Variants in KLHL14 observed in about 807,000 individuals in gnomAD.
KLHL14 encodes kelch like family member 14, also known as kelch-like protein 14.
In KLHL14, 22 loss-of-function variants were observed where a neutral mutation model predicts 64.3. The ratio of observed to expected loss-of-function variants is 0.34; its 90% confidence interval spans 0.24 to 0.49. The LOEUF (loss-of-function observed/expected upper bound fraction) is 0.49. Among genes scored for constraint, KLHL14 ranks in the 20% least tolerant of loss-of-function variants. The pLI, the probability that KLHL14 is intolerant of heterozygous loss-of-function variation, is 0.99. For synonymous variants in KLHL14, 322 were observed against 333.4 expected (o/e 0.97, Z 0.37); for missense variants, 661 against 789.0 (o/e 0.84, Z 1.94).
chr18:32,696,077 A>G (rs1377245287), intron 3 of KLHL14, among the ~76,000 whole-genome samples: 4 of 152,188 alleles, frequency 2.6e-5, no homozygotes, highest in African/African-American at 9.7e-5. Flanking sequence ...AAGTTTTTAA[A>G]TTAAGGTCCT....
chr18:32,716,670 C>T lies in KLHL14; in HGVS notation c.1070-21118G>A, dbSNP rs554450921. Among the ~76,000 whole-genome samples, 5 of 152,274 alleles carry T rather than the reference C, an allele frequency of 3.3e-5. No individual in the cohort carries two copies. In the East Asian group the frequency reaches 9.7e-4, roughly 29 times the overall value. On this transcript the variant is annotated intron_variant, in intron 3 of 8. Transcript: ENST00000359358. ...CTGACCTCAGGTGATCCACCCACCT[C>T]GGCCTCCCAAAGTGTTGTGATTACA...
At chr18:32,740,934 G>A (rs1217139514) in intron 3 of KLHL14, 1 of 152,096 alleles carries the variant, frequency 6.6e-6, no homozygotes, top group Non-Finnish European at 1.5e-5. Context: ...TGGGTAAACT[G>A]TTGTCCAGTT....
intron 2 of KLHL14, among the ~76,000 whole-genome samples, chr18:32,761,393 C>CTTTTTTTTTTTTTTTTTTTTT (rs10676001): frequency 1.6e-5 from 2 of 127,088 alleles, no homozygotes; most frequent in African/African-American, 3.1e-5. Flanking sequence ...GCCACACATC[C>CTTTTTTTTTTTTTTTTTTTTT]TTTTTTTTTT....
chr18:32,709,783 T>C (rs1232781332), intron 3 of KLHL14, among the ~76,000 whole-genome samples: 1 of 152,164 alleles, frequency 6.6e-6, no homozygotes, highest in Non-Finnish European at 1.5e-5. Flanking sequence ...GCTTTGCACA[T>C]AGTGGATGCC....
chr18:32,687,054 A>G (rs2049882780), intron 5 of KLHL14, 101 bp downstream of exon 5: 1 of 956,382 alleles, frequency 1.0e-6, no homozygotes, highest in East Asian at 2.4e-5. Flanking sequence ...TATGTCTTTC[A>G]TTGACTCTAT....
intron 3 of KLHL14, among the ~76,000 whole-genome samples, chr18:32,718,782 A>G (rs1179319698): frequency 6.6e-6 from 1 of 152,218 alleles, no homozygotes; most frequent in Non-Finnish European, 1.5e-5. Flanking sequence ...TATAGCTATT[A>G]TGATAAACTC....
At chr18:32,767,522 G>A (rs1156815407) in intron 2 of KLHL14, among the ~76,000 whole-genome samples, 2 of 152,174 alleles carry the variant, frequency 1.3e-5, no homozygotes, top group East Asian at 1.9e-4. Context: ...CATGACACTT[G>A]TAAGCATTCA....
chr18:32,697,358 G>C (rs2049941898), intron 3 of KLHL14, among the ~76,000 whole-genome samples: 1 of 152,146 alleles, frequency 6.6e-6, no homozygotes, highest in African/African-American at 2.4e-5. Context: ...ACAACCTGGT[G>C]CTACTCCAGT....
chr18:32,771,192 G>A (rs551578006), intron 1 of KLHL14: 100 of 176,474 alleles, frequency 5.7e-4, no homozygotes, highest in African/African-American at 2.2e-3. Context: ...CCAGCGTGCG[G>A]GGTGTGCGAA....
At chr18:32,722,415 G>C (rs1401755990) in intron 3 of KLHL14, among the ~76,000 whole-genome samples, 2 of 152,122 alleles carry the variant, frequency 1.3e-5, no homozygotes, top group Non-Finnish European at 2.9e-5. Context: ...TGGGAAAATG[G>C]AGAGGAGCTG....
intron 3 of KLHL14, among the ~76,000 whole-genome samples, chr18:32,729,215 C>T (rs962358152): frequency 1.3e-5 from 2 of 152,120 alleles, no homozygotes; most frequent in African/African-American, 2.4e-5. Flanking sequence ...TATTTGTTTC[C>T]TTGCCTGTAG....
intron 4 of KLHL14, among the ~76,000 whole-genome samples, chr18:32,691,034 C>T (rs1468847916): frequency 2.0e-5 from 3 of 151,990 alleles, no homozygotes; most frequent in Non-Finnish European, 4.4e-5. Context: ...TTTGTGAAAT[C>T]TGCAATCATT....
rs747929926 is a variant in KLHL14 at position 32,770,436 on chromosome 18, G to T, written c.156C>A (p.Ala52=). The T allele has an allele frequency of 6.2e-7, 1 of 1,611,558 alleles. No individual in the cohort carries two copies. Among genetic ancestry groups the T allele is most frequent in the Non-Finnish European group, 8.5e-7 (1 of 1,179,172 alleles). The change falls in exon 2 of 9, where the codon GCC becomes GCA. Residue 52 remains alanine, a synonymous_variant. Coordinates refer to ENST00000359358, the MANE Select transcript of KLHL14 (RefSeq NM_020805.3). The surrounding 1 kb of genome is among the most constrained non-coding windows in gnomAD (Gnocchi z 6.7). ...GCGATCGGAAGTACTGCGAGCAGGA[G>T]GCCAGCACGGCCTTGTGGCAATGGA... The part of the protein sequence containing the change: ...QQFHCHKAVL[A]SCSQYFRSLF...
At chr18:32,701,453 A>G (rs2144491201) in intron 3 of KLHL14, among the ~76,000 whole-genome samples, 1 of 152,262 alleles carries the variant, frequency 6.6e-6, no homozygotes, top group South Asian at 2.1e-4. Context: ...GTGTCTGAGA[A>G]GCAGAGAGAA....
chr18:32,736,706 A>G (rs184397888), intron 3 of KLHL14, among the ~76,000 whole-genome samples: 1 of 152,224 alleles, frequency 6.6e-6, no homozygotes. Flanking sequence ...TTCAGTTGCC[A>G]AAAGACACTA....
chr18:32,738,037 C>T (rs908234317), intron 3 of KLHL14: 1 of 152,078 alleles, frequency 6.6e-6, no homozygotes, highest in Non-Finnish European at 1.5e-5. Flanking sequence ...AAAGAAGCAT[C>T]TAATAAATAG....
chr18:32,765,122 T>A (rs920039318), intron 2 of KLHL14, among the ~76,000 whole-genome samples: 1 of 152,212 alleles, frequency 6.6e-6, no homozygotes, highest in Non-Finnish European at 1.5e-5. Flanking sequence ...CAGTTTTTTA[T>A]CTATATGAGG....
chr18:32,696,860 G>A (rs1163342064), intron 3 of KLHL14, among the ~76,000 whole-genome samples: 1 of 152,172 alleles, frequency 6.6e-6, no homozygotes, highest in African/African-American at 2.4e-5. Context: ...TCATAACACA[G>A]CCTCTGAAAG....
intron 3 of KLHL14, among the ~76,000 whole-genome samples, chr18:32,703,692 C>T (rs2049976815): frequency 6.6e-6 from 1 of 152,176 alleles, no homozygotes; most frequent in African/African-American, 2.4e-5. Flanking sequence ...CCTGTTTAAG[C>T]AAAACTGACC....
Sources: allele counts gnomAD v4.1 joint callset (sites outside exome capture counted in the v4.1 genomes callset), GRCh38; gene constraint gnomAD v4.1.1; non-coding constraint Gnocchi (gnomAD v3.1); transcripts MANE v1.5; gene names NCBI Gene and HGNC (gene_info 2026-07-23, HGNC 2026-07-21).